LRFN2: variants seen among roughly 807,000 people sequenced by gnomAD.
LRFN2 encodes the protein leucine-rich repeat and fibronectin type-III domain-containing protein 2.
Under a neutral mutation model 37.3 loss-of-function variants are expected in LRFN2, and 18 were observed. The observed-to-expected ratio is 0.48, with a 90% CI of 0.33 to 0.72. The LOEUF (loss-of-function observed/expected upper bound fraction) is 0.72, where lower values mean the gene tolerates loss of function less well. Among genes scored for constraint, LRFN2 ranks in the 30% least tolerant of loss-of-function variants. The pLI is 0.02. For synonymous variants in LRFN2, 556 were observed against 466.6 expected, an observed-to-expected ratio of 1.19 and a Z score of -2.47; for missense variants, 1,006 against 1,060.7, an observed-to-expected ratio of 0.95 and a Z score of 0.72.
rs1356883843 is a variant in LRFN2, at chr6:40,459,790, AC to A, written c.-18-26660del. On this transcript the variant is annotated intron_variant, in intron 1 of 2. Transcript: ENST00000338305. The stretch of plus-strand genomic sequence containing the variant: ...GACTTGTGGTTTGGATGGAGGGAGG[AC>A]CTTTTAATGAGAACATTTAATCTTT... Among the ~76,000 whole-genome samples, 5 of 152,204 alleles carry A rather than the reference AC, an allele frequency of 3.3e-5. No individual in the cohort carries two copies. In the South Asian group the frequency reaches 6.2e-4, roughly 19 times the overall value.
At chr6:40,476,940 C>G (rs941944337) in intron 1 of LRFN2, among the ~76,000 whole-genome samples, 5 of 152,266 alleles carry the variant, frequency 3.3e-5, no homozygotes, top group Non-Finnish European at 7.3e-5. Flanking sequence ...TATCTCAGGC[C>G]TGCTACAAAG....
intron 1 of LRFN2, among the ~76,000 whole-genome samples, chr6:40,433,450 T>C (rs966064089): frequency 2.0e-5 from 3 of 152,220 alleles, no homozygotes; most frequent in African/African-American, 7.2e-5. Flanking sequence ...TGTATCCCAA[T>C]TACCTAGCTC....
chr6:40,546,217 A>G (rs1766657641), intron 1 of LRFN2, among the ~76,000 whole-genome samples: 1 of 152,226 alleles, frequency 6.6e-6, no homozygotes, highest in Non-Finnish European at 1.5e-5. Context: ...CAGGCAGCAC[A>G]GGAGGAACAG....
intron 1 of LRFN2, among the ~76,000 whole-genome samples, chr6:40,510,278 T>C (rs1765670104): frequency 6.6e-6 from 1 of 152,160 alleles, no homozygotes; most frequent in Non-Finnish European, 1.5e-5. Context: ...TATGTGTTAC[T>C]GTAGGATATG....
At chr6:40,493,377 A>C (rs1765138911) in intron 1 of LRFN2, among the ~76,000 whole-genome samples, 1 of 152,192 alleles carries the variant, frequency 6.6e-6, no homozygotes, top group Non-Finnish European at 1.5e-5. Context: ...GCTGCTTCCC[A>C]AGGGCAGAGA....
At chr6:40,528,620 T>C (rs1374243200) in intron 1 of LRFN2, among the ~76,000 whole-genome samples, 1 of 152,236 alleles carries the variant, frequency 6.6e-6, no homozygotes, top group Non-Finnish European at 1.5e-5. Context: ...CCGATGAGGT[T>C]ACATAAGTTG....
chr6:40,506,730 G>A (rs1399749698), intron 1 of LRFN2, among the ~76,000 whole-genome samples: 1 of 152,130 alleles, frequency 6.6e-6, no homozygotes, highest in African/African-American at 2.4e-5. Context: ...CCCCAAAGCT[G>A]GGATCAACCA....
chr6:40,454,642 T>C (rs998643136), intron 1 of LRFN2, among the ~76,000 whole-genome samples: 4 of 152,212 alleles, frequency 2.6e-5, no homozygotes, highest in African/African-American at 9.7e-5. Context: ...CCTTCCTTGT[T>C]CTTCTTTACT....
rs1346925290 is a variant in LRFN2, at chr6:40,391,802, GGGGA to G, written c.*137_*140del. Reference sequence around the variant, plus strand: ...GTGATGTGGGTGTTGCGGGGTAGGGGGGGACACGAGGCCATTGACAGGGAGACGA... The same window carrying G: ...GTGATGTGGGTGTTGCGGGGTAGGGGCACGAGGCCATTGACAGGGAGACGA... On this transcript the variant is annotated 3_prime_UTR_variant, in exon 3 of 3. Transcript: ENST00000338305. The G allele has an allele frequency of 2.4e-6, 2 of 820,880 alleles. No individual in the cohort carries two copies. The highest frequency in any genetic ancestry group is 3.5e-6 in the Non-Finnish European group (2 of 566,530). The allele number at this position is 820,880 out of a possible 1,614,324, so 50.8% of individuals were successfully genotyped here.
At chr6:40,457,633 T>G (rs1200272549) in intron 1 of LRFN2, among the ~76,000 whole-genome samples, 1 of 113,552 alleles carries the variant, frequency 8.8e-6, no homozygotes, top group Non-Finnish European at 1.8e-5. Context: ...AGAAAGACCC[T>G]GTTTAAAAAA....
At position 40,449,881 on chromosome 6, in the gene LRFN2, G is replaced by GA. The variant is rs113777880; in HGVS notation, c.-18-16751dup. On this transcript the variant is annotated intron_variant, in intron 1 of 2. Transcript: ENST00000338305. Reference sequence around the variant, plus strand: ...ATCTCTGTATTTGTTACATGATAGAGAAAAAAAAATTCTATCTCATTTGGG... The same window carrying GA: ...ATCTCTGTATTTGTTACATGATAGAGAAAAAAAAAATTCTATCTCATTTGGG... 8.4e-4 allele frequency among the ~76,000 whole-genome samples: 127 copies of GA among 151,376 alleles called. 1 individual carries two copies. Among genetic ancestry groups the GA allele is most frequent in the African/African-American group, 2.8e-3 (116 of 41,318 alleles).
At chr6:40,494,067 A>G (rs1765163445) in intron 1 of LRFN2, among the ~76,000 whole-genome samples, 1 of 152,256 alleles carries the variant, frequency 6.6e-6, no homozygotes, top group African/African-American at 2.4e-5. Flanking sequence ...GGTCAGTCCT[A>G]TGTTTACAAC....
intron 1 of LRFN2, among the ~76,000 whole-genome samples, chr6:40,559,981 C>T (rs921789573): frequency 2.0e-5 from 3 of 152,152 alleles, no homozygotes; most frequent in African/African-American, 7.2e-5. Context: ...TAACCATCTG[C>T]CCACACCTGC....
intron 1 of LRFN2, among the ~76,000 whole-genome samples, chr6:40,436,206 C>A (rs777732209): frequency 1.4e-4 from 21 of 152,192 alleles, no homozygotes; most frequent in Admixed American, 6.5e-4. Context: ...ACCCTCAGAG[C>A]ACATTTCAAA....
At chr6:40,420,817 G>A (rs1267000257) in intron 2 of LRFN2, among the ~76,000 whole-genome samples, 1 of 152,210 alleles carries the variant, frequency 6.6e-6, no homozygotes, top group Non-Finnish European at 1.5e-5. Flanking sequence ...CTGAGACAAG[G>A]ATTTGAATAC....
rs1360071734 is a variant in LRFN2, at chr6:40,517,188, A to T, written c.-19+69753T>A. 4 of 152,124 alleles carry T rather than the reference A, an allele frequency of 2.6e-5. No homozygotes were observed. In the East Asian group the frequency reaches 7.7e-4, roughly 29 times the overall value. 9.4% of individuals were successfully genotyped at this position (152,124 alleles called of 1,614,324 possible). A position where few individuals can be genotyped will look rare whatever the true frequency, so the allele number is the denominator to read the frequency against. The stretch of plus-strand genomic sequence containing the variant: ...ACCCCTACCCTCACCAAAGATTACC[A>T]AGTGCCTGAAATCCCAACCTACATC... On this transcript the variant is annotated intron_variant, in intron 1 of 2. Transcript: ENST00000338305.
chr6:40,486,008 T>G (rs1180258231), intron 1 of LRFN2, among the ~76,000 whole-genome samples: 1 of 152,058 alleles, frequency 6.6e-6, no homozygotes, highest in East Asian at 1.9e-4. Flanking sequence ...AACTCAGAGG[T>G]GGCAGAGACA....
intron 2 of LRFN2, among the ~76,000 whole-genome samples, chr6:40,414,361 C>T (rs1023695399): frequency 2.4e-4 from 36 of 152,264 alleles, no homozygotes; most frequent in Admixed American, 5.2e-4. Flanking sequence ...CAGGCTTCTT[C>T]ACCAGGCCAT....
At chr6:40,563,900 C>T (rs1432707097) in intron 1 of LRFN2, among the ~76,000 whole-genome samples, 2 of 152,162 alleles carry the variant, frequency 1.3e-5, no homozygotes, top group African/African-American at 2.4e-5. Flanking sequence ...ACCTTGTGTG[C>T]CCACAAGGTG....
Sources: allele counts gnomAD v4.1 joint callset (sites outside exome capture counted in the v4.1 genomes callset), GRCh38; gene constraint gnomAD v4.1.1; transcripts MANE v1.5; gene names NCBI Gene and HGNC (gene_info 2026-07-23, HGNC 2026-07-21).